Variants in GOLPH3 observed in about 807,000 individuals in gnomAD.
The protein encoded by GOLPH3 is golgi phosphoprotein 3, also known as coat protein GPP34.
Under a neutral mutation model 28.5 loss-of-function variants are expected in GOLPH3, and 14 were observed. That is an observed-to-expected ratio of 0.49 (90% CI 0.32 to 0.77). The LOEUF (loss-of-function observed/expected upper bound fraction) is 0.77, where lower values mean the gene tolerates loss of function less well. Ranked by LOEUF, GOLPH3 falls within the 30% of genes least tolerant of loss-of-function variation. GOLPH3 has a pLI of 0.03. For synonymous variants in GOLPH3, 158 were observed against 159.2 expected (o/e 0.99, Z 0.06); for missense variants, 350 against 393.7 (o/e 0.89, Z 0.94).
intron 3 of GOLPH3, among the ~76,000 whole-genome samples, chr5:32,134,520 T>TTAA: frequency 8.9e-6 from 1 of 112,114 alleles, no homozygotes; most frequent in African/African-American, 3.1e-5. Flanking sequence ...AAAAATAAAA[T>TTAA]AAAAAAAAAA....
intron 3 of GOLPH3, among the ~76,000 whole-genome samples, chr5:32,132,480 C>A (rs1745843859): frequency 6.6e-6 from 1 of 152,152 alleles, no homozygotes; most frequent in Non-Finnish European, 1.5e-5. Flanking sequence ...AAGGATTTTT[C>A]TTTTCTCTGA....
intron 1 of GOLPH3, among the ~76,000 whole-genome samples, chr5:32,161,066 CAAAAAAAAAAAAAAA>C (rs34874287): frequency 1.3e-4 from 8 of 60,054 alleles, no homozygotes; most frequent in African/African-American, 1.8e-4. Flanking sequence ...GACTCCGTCT[CAAAAAAAAAAAAAAA>C]AAAAAAAAAA....
chr5:32,163,380 A>G (rs1746635815), intron 1 of GOLPH3, among the ~76,000 whole-genome samples: 1 of 152,148 alleles, frequency 6.6e-6, no homozygotes, highest in African/African-American at 2.4e-5. Context: ...TAAAAGCAAA[A>G]AATTTTTCTT....
At chr5:32,157,360 T>C (rs1466754071) in intron 1 of GOLPH3, among the ~76,000 whole-genome samples, 3 of 152,202 alleles carry the variant, frequency 2.0e-5, no homozygotes, top group Non-Finnish European at 4.4e-5. Flanking sequence ...ACATACCATG[T>C]GCAAAGCACT....
intron 1 of GOLPH3, among the ~76,000 whole-genome samples, chr5:32,155,387 C>T (rs1482877452): frequency 2.0e-5 from 3 of 152,168 alleles, no homozygotes; most frequent in East Asian, 1.9e-4. Flanking sequence ...GATCTCACTA[C>T]GTTGTCCAGG....
At chr5:32,142,256 G>C (rs546093221) in intron 2 of GOLPH3, among the ~76,000 whole-genome samples, 2 of 149,430 alleles carry the variant, frequency 1.3e-5, no homozygotes, top group Admixed American at 1.3e-4. Flanking sequence ...CTGCCCTGCC[G>C]CCCCGTCCGG....
At chr5:32,162,543 C>G (rs1034662069) in intron 1 of GOLPH3, among the ~76,000 whole-genome samples, 2 of 151,854 alleles carry the variant, frequency 1.3e-5, no homozygotes, top group African/African-American at 4.8e-5. Context: ...AGATGAGCAT[C>G]TGAATTTGAG....
At chr5:32,168,135 C>T (rs113355003) in intron 1 of GOLPH3, among the ~76,000 whole-genome samples, 2 of 152,138 alleles carry the variant, frequency 1.3e-5, no homozygotes, top group East Asian at 1.9e-4. Context: ...AACTCAGAAG[C>T]CTTTATTATA....
chr5:32,132,803 G>A lies in GOLPH3; in HGVS notation c.472+2769C>T, dbSNP rs541928473. On this transcript the variant is annotated intron_variant, in intron 3 of 3. Coordinates refer to ENST00000265070, the MANE Select transcript of GOLPH3 (RefSeq NM_022130.4). ...CTACAATTAAAAAATCAGCAAGCTG[G>A]TATCTTGATACTTTCAATTAGGTGG... Among the ~76,000 whole-genome samples, 44 of 152,170 alleles carry A rather than the reference G, an allele frequency of 2.9e-4. No individual in the cohort carries two copies. In the South Asian group the frequency reaches 8.1e-3, roughly 28 times the overall value.
chr5:32,140,859 T>G (rs560950477), intron 2 of GOLPH3, among the ~76,000 whole-genome samples: 3 of 149,568 alleles, frequency 2.0e-5, no homozygotes, highest in Non-Finnish European at 4.4e-5. Flanking sequence ...TTACCGCAAC[T>G]CTGTATACTA....
chr5:32,146,857 A>G (rs530433502), intron 1 of GOLPH3, among the ~76,000 whole-genome samples: 1 of 152,240 alleles, frequency 6.6e-6, no homozygotes, highest in East Asian at 1.9e-4. Flanking sequence ...AAGAATTATT[A>G]TCTTGGCCCA....
intron 1 of GOLPH3, among the ~76,000 whole-genome samples, chr5:32,146,556 C>T (rs984149640): frequency 6.6e-6 from 1 of 152,110 alleles, no homozygotes; most frequent in Non-Finnish European, 1.5e-5. Context: ...GAGTTCTCAC[C>T]ATTCCAGTTA....
intron 1 of GOLPH3, 55 bp downstream of exon 1, chr5:32,173,755 A>G: frequency 8.0e-7 from 1 of 1,247,080 alleles, no homozygotes; most frequent in African/African-American, 1.6e-5. Flanking sequence ...CCTGGAGCTC[A>G]CCTGGCGCCC....
rs1745916861 is a variant in GOLPH3, at chr5:32,135,670, T to A, written c.374A>T (p.Asp125Val). ...LLTRKVICKS[D>V]APTGDVLLDE... ...AAGAAGAACATCCCCTGTTGGAGCA[T>A]CTGACTTACAGATTACCTAAAAAGA... is the stretch of plus-strand genomic sequence containing the variant. The change falls in exon 3 of 4, where the codon GAT becomes GTT. Residue 125 changes from aspartate to valine, a missense_variant. Transcript: ENST00000265070. 5 of 1,610,958 alleles carry A rather than the reference T, an allele frequency of 3.1e-6. No homozygotes were observed. Among genetic ancestry groups the A allele is most frequent in the Non-Finnish European group, 4.2e-6 (5 of 1,177,410 alleles).
Position 32,126,240 on chromosome 5 carries a change from C to A in GOLPH3, c.869G>T (p.Trp290Leu). 1 of 1,612,530 alleles carries A rather than the reference C, an allele frequency of 6.2e-7. No individual in the cohort carries two copies. The highest frequency in any genetic ancestry group is 1.3e-5 in the African/African-American group (1 of 74,996). ...CLKANTNEVL[W>L]AVVAAFTK ...CTTGGTGAACGCCGCCACCACCGCC[C>A]ACAGAACCTCATTGGTGTTGGCCTT... Residue 290 changes from tryptophan to leucine, a missense_variant, in exon 4 of 4, where the codon TGG becomes TTG. By Grantham distance (61) the Trp-to-Leu change is moderately conservative. Transcript: ENST00000265070.
At position 32,143,820 on chromosome 5, in the gene GOLPH3, CA is replaced by C; in HGVS notation, c.285del (p.Ile95MetfsTer3). The C allele has an allele frequency of 6.3e-7, 1 of 1,598,022 alleles. No individual in the cohort carries two copies. The highest frequency in any genetic ancestry group is 8.5e-7 in the Non-Finnish European group (1 of 1,170,836). On this transcript the variant is annotated frameshift_variant, in exon 2 of 4. Transcript: ENST00000265070. LOFTEE classifies it high-confidence loss of function. ...TGTAACCTTCCTCTCAATGCTAATTCAATTAACATACAGCCACGTAATCCAG... is the reference window on the plus strand; with the variant it reads ...TGTAACCTTCCTCTCAATGCTAATTCATTAACATACAGCCACGTAATCCAG... ...ISSGLRGCMLIELALRGRLQL... is the reference protein window; with the variant it reads ...ISSGLRGCMLXELALRGRLQL...
intron 1 of GOLPH3, among the ~76,000 whole-genome samples, chr5:32,171,412 G>A (rs889184191): frequency 6.6e-6 from 1 of 151,898 alleles, no homozygotes; most frequent in Non-Finnish European, 1.5e-5. Flanking sequence ...AGAGTAACAT[G>A]TACTTGAAAA....
intron 1 of GOLPH3, among the ~76,000 whole-genome samples, chr5:32,161,920 G>C (rs907633015): frequency 2.0e-5 from 3 of 150,608 alleles, no homozygotes; most frequent in African/African-American, 7.5e-5. Context: ...CTAGCTACTC[G>C]GGAGGCTGAG....
At chr5:32,133,346 T>C (rs775882929) in intron 3 of GOLPH3, among the ~76,000 whole-genome samples, 1 of 152,198 alleles carries the variant, frequency 6.6e-6, no homozygotes. Flanking sequence ...CCACTCTACA[T>C]TCCATAAAAA....
Sources: gnomAD v4.1 joint callset for allele counts (sites outside exome capture counted in the v4.1 genomes callset) on GRCh38, gnomAD v4.1.1 for gene constraint, MANE v1.5 for transcripts, NCBI Gene and HGNC (gene_info 2026-07-23, HGNC 2026-07-21) for gene names.